Variants in YY1AP1 observed in about 807,000 individuals in gnomAD.
YY1AP1 encodes the protein YY1 associated protein 1.
In YY1AP1, 43 loss-of-function variants were observed where a neutral mutation model predicts 39.9. That is an observed-to-expected ratio of 1.08 (90% CI 0.84 to 1.39). YY1AP1 has a LOEUF of 1.39. Among genes scored for constraint, YY1AP1 ranks in the 40% most tolerant of loss-of-function variants. The probability of loss-of-function intolerance (pLI) is 0.00; values close to 1 mark genes in which losing one functional copy is unlikely to be tolerated. For missense variants in YY1AP1, 813 were observed against 900.7 expected (o/e 0.90, Z 1.25); for synonymous variants, 292 against 331.3 (o/e 0.88, Z 1.29).
intron 9 of YY1AP1, among the ~76,000 whole-genome samples, chr1:155,665,094 T>C (rs1648758998): frequency 6.6e-6 from 1 of 151,452 alleles, no homozygotes; most frequent in Non-Finnish European, 1.5e-5. Context: ...AATGTGAAAA[T>C]TCCCTTCCCA....
intron 3 of YY1AP1, 89 bp downstream of exon 3, chr1:155,680,327 C>T (rs774572734): frequency 2.0e-6 from 3 of 1,471,904 alleles, no homozygotes; most frequent in Non-Finnish European, 2.8e-6. Context: ...AGTCCCTCTT[C>T]TAGAAGGAGC....
intron 5 of YY1AP1, among the ~76,000 whole-genome samples, chr1:155,676,216 C>T (rs1363389474): frequency 1.3e-5 from 2 of 148,988 alleles, no homozygotes; most frequent in Non-Finnish European, 3.0e-5. Flanking sequence ...AGCGAGACTA[C>T]GTCTCAAAAA....
intron 1 of YY1AP1, 102 bp downstream of exon 1, chr1:155,688,557 C>T: frequency 6.5e-7 from 1 of 1,538,694 alleles, no homozygotes; most frequent in Non-Finnish European, 8.7e-7. Flanking sequence ...TCCTGCGAGC[C>T]AGCCATCCCG....
chr1:155,672,786 A>T, intron 6 of YY1AP1, 55 bp from the exon 7 acceptor site: 1 of 1,613,130 alleles, frequency 6.2e-7, no homozygotes, highest in Non-Finnish European at 8.5e-7. Context: ...ATTAATACCA[A>T]TAGCCTTCAG....
At chr1:155,677,725 T>C (rs992369477) in intron 4 of YY1AP1, among the ~76,000 whole-genome samples, 1 of 152,188 alleles carries the variant, frequency 6.6e-6, no homozygotes, top group African/African-American at 2.4e-5. Flanking sequence ...GGACTGTCTA[T>C]ACAATCTTTA....
Position 155,660,191 on chromosome 1 carries a change from C to T in YY1AP1, c.1719G>A (p.Met573Ile), listed in dbSNP as rs145852062. The change falls in exon 11 of 11, where the codon ATG (methionine) becomes ATA (isoleucine). Residue 573 changes from methionine (M) to isoleucine (I), a missense_variant. By Grantham distance (10) the Met-to-Ile change is conservative (BLOSUM62 1). Around this residue, in one of 3 missense-constraint regions of YY1AP1, gnomAD observed 586 missense variants for 647.4 expected, o/e 0.91. Transcript: ENST00000355499. ...CCACAGCCGCATTGACAGGCTGGAT[C>T]ATGTTACAGCCACCGCCAAGGCTCA... ...KIVSLGGGCN[M>I]IQPVNAAVAQ... is the part of the protein sequence containing the mutation. The T allele has an allele frequency of 3.6e-3, 5,762 of 1,614,110 alleles. 185 individuals carry two copies. In the African/African-American group the frequency reaches 0.068, roughly 19 times the overall value.
At chr1:155,662,334 T>C (rs1648290236) in intron 9 of YY1AP1, among the ~76,000 whole-genome samples, 2 of 150,784 alleles carry the variant, frequency 1.3e-5, no homozygotes, top group East Asian at 2.0e-4. Flanking sequence ...CTACTAAAAA[T>C]ACAAAAATTA....
intron 7 of YY1AP1, 179 bp downstream of exon 7, chr1:155,672,381 T>C: frequency 2.3e-6 from 2 of 875,510 alleles, no homozygotes; most frequent in Non-Finnish European, 3.7e-6. Flanking sequence ...GAGATTATCA[T>C]GTAATTCTAG....
chr1:155,680,448 C>T lies in YY1AP1; in HGVS notation c.-12G>A, dbSNP rs1651351272. On this transcript the variant is annotated 5_prime_UTR_variant, in exon 3 of 11. Transcript: ENST00000355499. ...AACAGATCTTCCATCAGCTCATTTG[C>T]TTCCTTTTCTGCAAAAAAGCCAAAC... The T allele has an allele frequency of 5.6e-6, 9 of 1,613,498 alleles. No individual in the cohort carries two copies. Among genetic ancestry groups the T allele is most frequent in the Non-Finnish European group, 7.6e-6 (9 of 1,179,620 alleles).
At chr1:155,664,792 C>T (rs1341430034) in intron 9 of YY1AP1, among the ~76,000 whole-genome samples, 1 of 142,006 alleles carries the variant, frequency 7.0e-6, no homozygotes, top group Admixed American at 7.1e-5. Context: ...TTTTTTAATA[C>T]GGAGTCTCGC....
intron 9 of YY1AP1, among the ~76,000 whole-genome samples, chr1:155,662,406 G>A (rs958736863): frequency 4.6e-5 from 7 of 151,554 alleles, no homozygotes; most frequent in African/African-American, 1.5e-4. Flanking sequence ...CAAAAGAATC[G>A]CTTGAACCTG....
chr1:155,679,386 C>A, intron 4 of YY1AP1, 23 bp downstream of exon 4: 1 of 1,614,122 alleles, frequency 6.2e-7, no homozygotes, highest in Non-Finnish European at 8.5e-7. Context: ...TATTCCAAAT[C>A]TCAAGGTCTT....
At chr1:155,670,629 A>G in intron 7 of YY1AP1, 165 bp from the exon 8 acceptor site, 1 of 670,474 alleles carries the variant, frequency 1.5e-6, no homozygotes, top group Middle Eastern at 3.3e-4. Context: ...TTCCTCAACT[A>G]ACATTAGGTC....
Position 155,672,561 on chromosome 1 carries a change from A to G in YY1AP1, c.582T>C (p.Thr194=), listed in dbSNP as rs775469782. The G allele has an allele frequency of 1.2e-6, 2 of 1,609,342 alleles. No homozygotes were observed. The highest frequency in any genetic ancestry group is 4.5e-5 in the East Asian group (2 of 44,864). ...DCSPHKTVKK[T]ANEFPCLPKQ... The stretch of plus-strand genomic sequence containing the variant: ...AAAGCTGACACATCTGTCTCCTACC[A>G]GTCTTCTTGACAGTTTTATGAGGGC... The change falls in exon 7 of 11, where the codon ACT becomes ACC. Residue 194 remains threonine, a splice_region_variant and synonymous_variant. Transcript: ENST00000355499.
chr1:155,686,522 G>T (rs1652384302), intron 2 of YY1AP1, among the ~76,000 whole-genome samples: 1 of 152,006 alleles, frequency 6.6e-6, no homozygotes, highest in Non-Finnish European at 1.5e-5. Flanking sequence ...CCCTCAGATT[G>T]CATCCAGGCT....
chr1:155,673,781 G>A (rs995430881), intron 6 of YY1AP1, among the ~76,000 whole-genome samples: 1 of 151,796 alleles, frequency 6.6e-6, no homozygotes, highest in African/African-American at 2.4e-5. Context: ...TCAAACTCCT[G>A]GGCTCAAGCA....
At chr1:155,665,061 C>T (rs896837093) in intron 9 of YY1AP1, among the ~76,000 whole-genome samples, 9 of 151,870 alleles carry the variant, frequency 5.9e-5, no homozygotes, top group African/African-American at 1.9e-4. Context: ...TGAGCCACTG[C>T]GCCCGGCCCC....
chr1:155,660,626 G>A lies in YY1AP1; in HGVS notation c.1284C>T (p.Asn428=). Residue 428 remains asparagine, a synonymous_variant, in exon 11 of 11, where the codon AAC becomes AAT. Coordinates refer to ENST00000355499, the MANE Select transcript of YY1AP1 (RefSeq NM_139119.3). The part of the protein sequence containing the change: ...QPSPSLQPSF[N]PGKTPAQSTH... ...TTGATTGGGCTGGTGTTTTCCCAGG[G>A]TTGAAGCTGGGCTGGAGAGAGGGGC... The A allele has an allele frequency of 4.3e-6, 7 of 1,614,208 alleles. No individual in the cohort carries two copies. The highest frequency in any genetic ancestry group is 1.1e-5 in the South Asian group (1 of 91,086).
At chr1:155,680,552 T>C in intron 2 of YY1AP1, 96 bp from the exon 3 acceptor site, 1 of 1,055,540 alleles carries the variant, frequency 9.5e-7, no homozygotes, top group Non-Finnish European at 1.5e-6. Context: ...CAACAAGGCA[T>C]CTGACGAATT....
Sources: gnomAD v4.1 joint callset for allele counts (sites outside exome capture counted in the v4.1 genomes callset) on GRCh38, gnomAD v4.1.1 for gene constraint, gnomAD v4.1.1 regional missense constraint, MANE v1.5 for transcripts, NCBI Gene and HGNC (gene_info 2026-07-23, HGNC 2026-07-21) for gene names.